SLC24A2: variants seen among roughly 807,000 people sequenced by gnomAD.
The protein encoded by SLC24A2 is solute carrier family 24 member 2.
SLC24A2 carries 36 observed loss-of-function variants against 62.0 expected under a neutral mutation model. That is an observed-to-expected ratio of 0.58 (90% CI 0.44 to 0.77). The LOEUF is 0.77. SLC24A2 is among the 30% of genes least tolerant of loss of function. SLC24A2 has a pLI of 0.00. For synonymous variants in SLC24A2, 358 were observed against 294.0 expected, an observed-to-expected ratio of 1.22 and a Z score of -2.23; for missense variants, 846 against 817.9, an observed-to-expected ratio of 1.03 and a Z score of -0.42.
At chr9:20,061,625 A>G in the SLC24A2 span, among the ~76,000 whole-genome samples, 1 of 152,212 alleles carries the variant, frequency 6.6e-6, no homozygotes, top group Non-Finnish European at 1.5e-5. Context: ...AGACAATTCA[A>G]TGAGGAAAGG....
At chr9:20,231,220 C>CT in the SLC24A2 span, among the ~76,000 whole-genome samples, 4 of 152,106 alleles carry the variant, frequency 2.6e-5, no homozygotes, top group Non-Finnish European at 5.9e-5. Context: ...GATGCGGGCT[C>CT]TTTTTTGGTC....
chr9:20,290,085 C>T, the SLC24A2 span, among the ~76,000 whole-genome samples: 2 of 152,132 alleles, frequency 1.3e-5, no homozygotes, highest in Non-Finnish European at 1.5e-5. Context: ...CGCCCTGCAC[C>T]CAACCCCAAC....
the SLC24A2 span, among the ~76,000 whole-genome samples, chr9:19,910,322 G>A: frequency 1.3e-5 from 2 of 151,820 alleles, no homozygotes; most frequent in African/African-American, 2.4e-5. Flanking sequence ...AAATAATTCC[G>A]CTTCTCTCCA....
chr9:19,534,782 A>C lies in SLC24A2; in HGVS notation c.1480-6644T>G, dbSNP rs148895906. 0.015 allele frequency among the ~76,000 whole-genome samples: 2,340 copies of C among 152,222 alleles called. 297 individuals carry two copies. The East Asian group carries it at 0.31, about 20-fold the overall frequency. ...ACTGATGGACATGTGGGTTGGTTCC[A>C]AGTCTTTGCTATTGTGAATAGTGCC... On this transcript the variant is annotated intron_variant, in intron 8 of 10. Coordinates refer to ENST00000341998, the MANE Select transcript of SLC24A2 (RefSeq NM_020344.4).
At chr9:20,206,030 C>A in the SLC24A2 span, among the ~76,000 whole-genome samples, 1 of 152,060 alleles carries the variant, frequency 6.6e-6, no homozygotes, top group Non-Finnish European at 1.5e-5. Context: ...TGACTAATAC[C>A]TAATGTTACA....
At chr9:20,291,417 G>T in the SLC24A2 span, among the ~76,000 whole-genome samples, 1 of 152,152 alleles carries the variant, frequency 6.6e-6, no homozygotes, top group Non-Finnish European at 1.5e-5. Flanking sequence ...GGAGATCAGG[G>T]CCATGTAATG....
chr9:19,644,765 C>T (rs1818595790), intron 2 of SLC24A2, among the ~76,000 whole-genome samples: 1 of 151,656 alleles, frequency 6.6e-6, no homozygotes, highest in Admixed American at 6.6e-5. Flanking sequence ...TCATGTTTTG[C>T]CTAATGAATA....
the SLC24A2 span, among the ~76,000 whole-genome samples, chr9:20,063,764 C>T: frequency 1.3e-5 from 2 of 152,042 alleles, no homozygotes; most frequent in African/African-American, 4.8e-5. Flanking sequence ...CTAACAAGCA[C>T]ATTTAAAAGT....
the SLC24A2 span, among the ~76,000 whole-genome samples, chr9:20,178,493 C>T: frequency 2.0e-5 from 3 of 152,168 alleles, no homozygotes; most frequent in East Asian, 3.9e-4. Flanking sequence ...GCCTTCTGTT[C>T]CTCTGACTTT....
the SLC24A2 span, among the ~76,000 whole-genome samples, chr9:20,038,103 T>G: frequency 1.3e-5 from 2 of 152,196 alleles, no homozygotes; most frequent in South Asian, 4.1e-4. Flanking sequence ...TTCCAAAGTA[T>G]GGCAGACTGT....
intron 5 of SLC24A2, among the ~76,000 whole-genome samples, chr9:19,580,436 G>C (rs940668806): frequency 6.6e-6 from 1 of 152,224 alleles, no homozygotes; most frequent in African/African-American, 2.4e-5. Flanking sequence ...ATACGCCTGA[G>C]ATCATCACAG....
the SLC24A2 span, among the ~76,000 whole-genome samples, chr9:19,856,292 T>C: frequency 6.6e-6 from 1 of 152,230 alleles, no homozygotes; most frequent in South Asian, 2.1e-4. Context: ...TGTCAGTTCA[T>C]GCATCTTAAC....
At chr9:20,073,365 G>A in the SLC24A2 span, among the ~76,000 whole-genome samples, 2 of 152,228 alleles carry the variant, frequency 1.3e-5, no homozygotes, top group Middle Eastern at 3.4e-3. Context: ...TCAGAATAAT[G>A]TCTCTTTTAA....
chr9:20,183,442 C>G, the SLC24A2 span, among the ~76,000 whole-genome samples: 1 of 152,204 alleles, frequency 6.6e-6, no homozygotes, highest in Non-Finnish European at 1.5e-5. Flanking sequence ...GGCAACTAAA[C>G]TATATTGCTT....
the SLC24A2 span, among the ~76,000 whole-genome samples, chr9:19,974,515 G>C: frequency 6.6e-6 from 1 of 152,096 alleles, no homozygotes; most frequent in Non-Finnish European, 1.5e-5. Flanking sequence ...TCTTTCCTGA[G>C]CAAAGCATAA....
chr9:20,007,387 G>T, the SLC24A2 span, among the ~76,000 whole-genome samples: 1 of 152,136 alleles, frequency 6.6e-6, no homozygotes, highest in Non-Finnish European at 1.5e-5. Flanking sequence ...GGTAATGTCT[G>T]CCTTGGCAAG....
chr9:19,882,929 G>A, the SLC24A2 span, among the ~76,000 whole-genome samples: 1 of 152,174 alleles, frequency 6.6e-6, no homozygotes, highest in Non-Finnish European at 1.5e-5. Context: ...CAATATGCAG[G>A]AAGACTGATG....
chr9:20,299,751 T>C, the SLC24A2 span, among the ~76,000 whole-genome samples: 1 of 152,208 alleles, frequency 6.6e-6, no homozygotes, highest in South Asian at 2.1e-4. Context: ...AATTCTAATT[T>C]TGGAGACAAA....
At chr9:19,737,571 G>T (rs1821546493) in intron 2 of SLC24A2, among the ~76,000 whole-genome samples, 2 of 151,834 alleles carry the variant, frequency 1.3e-5, no homozygotes, top group East Asian at 1.9e-4. Context: ...GATTTAAAAG[G>T]TTAAAAAATA....
Sources: allele counts gnomAD v4.1 joint callset (sites outside exome capture counted in the v4.1 genomes callset), GRCh38; gene constraint gnomAD v4.1.1; transcripts MANE v1.5; gene names NCBI Gene and HGNC (gene_info 2026-07-23, HGNC 2026-07-21).